The following SLC35F1 variants were observed in gnomAD, a reference collection of about 807,000 sequenced individuals.
SLC35F1 encodes the protein solute carrier family 35 member F1, also known as chromosome 6 open reading frame 169.
A neutral mutation model predicts 48.7 loss-of-function variants in SLC35F1; 14 were observed. The ratio of observed to expected loss-of-function variants is 0.29; its 90% confidence interval spans 0.19 to 0.45. The LOEUF (loss-of-function observed/expected upper bound fraction) is 0.45, where lower values mean the gene tolerates loss of function less well. Ranked by LOEUF, SLC35F1 falls within the 20% of genes least tolerant of loss-of-function variation. The pLI, the probability that SLC35F1 is intolerant of heterozygous loss-of-function variation, is 1.00. For synonymous variants in SLC35F1, 190 were observed against 202.2 expected, an observed-to-expected ratio of 0.94 and a Z score of 0.51; for missense variants, 404 against 500.0, an observed-to-expected ratio of 0.81 and a Z score of 1.83.
At chr6:118,174,331 C>T (rs1219682048) in intron 2 of SLC35F1, among the ~76,000 whole-genome samples, 1 of 152,088 alleles carries the variant, frequency 6.6e-6, no homozygotes, top group African/African-American at 2.4e-5. Context: ...CAGTCAACAA[C>T]ATTCATGAAG....
chr6:118,258,993 A>C, intron 3 of SLC35F1, among the ~76,000 whole-genome samples: 1 of 151,870 alleles, frequency 6.6e-6, no homozygotes, highest in East Asian at 1.9e-4. Flanking sequence ...AGTTTTTTTA[A>C]AATGAGCTTA....
At chr6:117,925,759 AG>A (rs1158920695) in intron 1 of SLC35F1, among the ~76,000 whole-genome samples, 3 of 152,060 alleles carry the variant, frequency 2.0e-5, no homozygotes, top group Non-Finnish European at 4.4e-5. Context: ...CCCAAGATGT[AG>A]TTCTGCTGAG....
intron 2 of SLC35F1, among the ~76,000 whole-genome samples, chr6:118,210,478 A>G (rs1235249171): frequency 2.0e-5 from 3 of 152,244 alleles, no homozygotes; most frequent in Non-Finnish European, 4.4e-5. Flanking sequence ...CAAACAAAAG[A>G]GTAGAAAAAC....
At chr6:118,254,336 C>A (rs551163847) in intron 3 of SLC35F1, among the ~76,000 whole-genome samples, 1 of 152,150 alleles carries the variant, frequency 6.6e-6, no homozygotes, top group Non-Finnish European at 1.5e-5. Context: ...AGCTGGAGTG[C>A]GGTGGTATGA....
intron 7 of SLC35F1, among the ~76,000 whole-genome samples, chr6:118,307,987 C>T (rs1405702185): frequency 2.6e-5 from 4 of 152,206 alleles, no homozygotes; most frequent in South Asian, 4.1e-4. Context: ...TATAAGGACA[C>T]GCAGAGGGTT....
intron 3 of SLC35F1, among the ~76,000 whole-genome samples, chr6:118,255,664 C>T (rs1053366450): frequency 3.9e-5 from 6 of 152,128 alleles, no homozygotes; most frequent in African/African-American, 1.2e-4. Flanking sequence ...CTAGAAAGTT[C>T]GGATGACTGG....
chr6:118,140,593 C>CTTTTG (rs746621686), intron 1 of SLC35F1, among the ~76,000 whole-genome samples: 1 of 94,414 alleles, frequency 1.1e-5, no homozygotes, highest in South Asian at 3.7e-4. Context: ...GAGTGTATTC[C>CTTTTG]TTATATTTTT....
At chr6:118,033,565 C>A (rs770874968) in intron 1 of SLC35F1, among the ~76,000 whole-genome samples, 3 of 151,020 alleles carry the variant, frequency 2.0e-5, no homozygotes, top group South Asian at 2.1e-4. Flanking sequence ...ATTGAGGAAA[C>A]AACAGGGCCA....
intron 7 of SLC35F1, among the ~76,000 whole-genome samples, chr6:118,297,638 A>AT (rs1175884886): frequency 0.017 from 1,510 of 88,960 alleles, 51 homozygotes; most frequent in African/African-American, 0.074. Context: ...ATATATATAT[A>AT]AAAAATATAT....
At chr6:118,261,403 G>C (rs1343317049) in intron 3 of SLC35F1, among the ~76,000 whole-genome samples, 32 of 152,098 alleles carry the variant, frequency 2.1e-4, no homozygotes, top group Admixed American at 1.8e-3. Context: ...AAATTATTCA[G>C]AACAACACTA....
intron 1 of SLC35F1, among the ~76,000 whole-genome samples, chr6:118,120,223 G>A (rs1245327878): frequency 6.6e-6 from 1 of 152,144 alleles, no homozygotes; most frequent in Admixed American, 6.6e-5. Context: ...TACAAAGAGA[G>A]TTAGCTGAGA....
At chr6:118,305,631 T>C (rs907169196) in intron 7 of SLC35F1, among the ~76,000 whole-genome samples, 3 of 152,188 alleles carry the variant, frequency 2.0e-5, no homozygotes, top group Non-Finnish European at 4.4e-5. Flanking sequence ...CCTTAGATGA[T>C]GATGTTCACC....
intron 4 of SLC35F1, among the ~76,000 whole-genome samples, chr6:118,269,093 C>G (rs1044014480): frequency 3.3e-5 from 5 of 152,080 alleles, no homozygotes; most frequent in Non-Finnish European, 5.9e-5. Context: ...GAATGTTAAG[C>G]TAATTTGAAT....
chr6:118,210,651 C>G (rs1488945878), intron 2 of SLC35F1, among the ~76,000 whole-genome samples: 1 of 152,150 alleles, frequency 6.6e-6, no homozygotes, highest in Admixed American at 6.5e-5. Flanking sequence ...CACCTCAGCT[C>G]TAGCCTTTGA....
intron 1 of SLC35F1, among the ~76,000 whole-genome samples, chr6:117,972,143 T>C (rs1282549317): frequency 1.3e-5 from 2 of 152,218 alleles, no homozygotes; most frequent in African/African-American, 4.8e-5. Flanking sequence ...AAGTTTGAGT[T>C]TTCACAGATC....
At chr6:118,179,790 G>A (rs1030480421) in intron 2 of SLC35F1, among the ~76,000 whole-genome samples, 1 of 152,096 alleles carries the variant, frequency 6.6e-6, no homozygotes, top group Non-Finnish European at 1.5e-5. Flanking sequence ...GGCCAGATAC[G>A]AGTGCAGGCC....
chr6:118,306,891 G>A (rs1336123994), intron 7 of SLC35F1, among the ~76,000 whole-genome samples: 2 of 150,764 alleles, frequency 1.3e-5, no homozygotes, highest in East Asian at 3.8e-4. Context: ...ATTACCCACA[G>A]GGGAAGATAT....
rs1776452624 is a variant in SLC35F1 at position 118,317,477 on chromosome 6, T to C, written c.*3225T>C. On this transcript the variant is annotated 3_prime_UTR_variant, in exon 8 of 8. Transcript: ENST00000360388. Reference sequence around the variant, plus strand: ...AGATTTTACCCCATGGGTAGGATTCTATTGTTAAGCCACATAACAAAGCAC... The same window carrying C: ...AGATTTTACCCCATGGGTAGGATTCCATTGTTAAGCCACATAACAAAGCAC... 1 of 152,176 alleles carries C rather than the reference T, an allele frequency of 6.6e-6. No homozygotes were observed. The highest frequency in any genetic ancestry group is 2.1e-4 in the South Asian group (1 of 4,836). 9.4% of individuals were successfully genotyped at this position (152,176 alleles called of 1,614,324 possible). A position where few individuals can be genotyped will look rare whatever the true frequency, so the allele number is the denominator to read the frequency against.
At chr6:118,062,401 A>G (rs1400692380) in intron 1 of SLC35F1, among the ~76,000 whole-genome samples, 1 of 152,170 alleles carries the variant, frequency 6.6e-6, no homozygotes, top group Non-Finnish European at 1.5e-5. Context: ...GTAGGTATAT[A>G]GATTTATGGG....
Sources: gnomAD v4.1 joint callset for allele counts (sites outside exome capture counted in the v4.1 genomes callset) on GRCh38, gnomAD v4.1.1 for gene constraint, MANE v1.5 for transcripts, NCBI Gene and HGNC (gene_info 2026-07-23, HGNC 2026-07-21) for gene names.